KIRREL3: variants seen among roughly 807,000 people sequenced by gnomAD.
KIRREL3 encodes the protein kirre like nephrin family adhesion molecule 3, also known as kin of IRRE-like protein 3.
In KIRREL3, 36 loss-of-function variants were observed where a neutral mutation model predicts 89.7. The observed-to-expected ratio is 0.40, with a 90% CI of 0.31 to 0.53. The LOEUF (loss-of-function observed/expected upper bound fraction) is 0.53, where lower values mean the gene tolerates loss of function less well. KIRREL3 is among the 20% of genes least tolerant of loss of function. KIRREL3 has a pLI of 0.49. For synonymous variants in KIRREL3, 445 were observed against 441.4 expected (o/e 1.01, Z -0.10); for missense variants, 864 against 1,056.6 (o/e 0.82, Z 2.53).
At position 126,639,532 on chromosome 11, in the gene KIRREL3, A is replaced by T. The variant is rs1944391043; in HGVS notation, c.56-76620T>A. ...TAATCCAGGAGAGTTAAGAAGGCAG[A>T]TGCTAACCAACCACCAATTGCATCC... On this transcript the variant is annotated intron_variant, in intron 1 of 16. Transcript: ENST00000525144. The surrounding 1 kb of genome is among the most constrained non-coding windows in gnomAD (Gnocchi z 4.3). 6.6e-6 allele frequency among the ~76,000 whole-genome samples: 1 copy of T among 152,230 alleles called. No homozygotes were observed. Among genetic ancestry groups the T allele is most frequent in the Admixed American group, 6.5e-5 (1 of 15,284 alleles).
rs113226492 is a variant in KIRREL3, at chr11:126,555,695, T to C, written c.133+7140A>G. On this transcript the variant is annotated intron_variant, in intron 2 of 16. Transcript: ENST00000525144. The surrounding 1 kb of genome is among the most constrained non-coding windows in gnomAD (Gnocchi z 4.2). The stretch of plus-strand genomic sequence containing the variant: ...GGGGTAGGATGAAGTCAGAGGTAGG[T>C]AGGAACCAGATCACGTGGCACCTTG... Among the ~76,000 whole-genome samples, 630 of 150,644 alleles carry C rather than the reference T, an allele frequency of 4.2e-3. 6 individuals are homozygous for C. Among genetic ancestry groups the C allele is most frequent in the African/African-American group, 0.014 (571 of 41,124 alleles).
At position 126,705,711 on chromosome 11, in the gene KIRREL3, G is replaced by A. The variant is rs987195634; in HGVS notation, c.56-142799C>T. Among the ~76,000 whole-genome samples the A allele has an allele frequency of 4.6e-5, 7 of 152,174 alleles. No homozygotes were observed. Among genetic ancestry groups the A allele is most frequent in the Non-Finnish European group, 1.0e-4 (7 of 68,044 alleles). On this transcript the variant is annotated intron_variant, in intron 1 of 16. Transcript: ENST00000525144. This position sits in a 1 kb window ranked among gnomAD's most constrained non-coding sequence, Gnocchi z 4.3. ...TATACCTATGTGTATGTGCATAAAT[G>A]GAAAATGCACTGTGGTAAATTACAG...
Position 126,553,993 on chromosome 11 carries a change from A to G in KIRREL3, c.133+8842T>C, listed in dbSNP as rs1939490350. Among the ~76,000 whole-genome samples the G allele has an allele frequency of 1.3e-5, 2 of 152,214 alleles. No homozygotes were observed. Among genetic ancestry groups the G allele is most frequent in the African/African-American group, 2.4e-5 (1 of 41,456 alleles). On this transcript the variant is annotated intron_variant, in intron 2 of 16. Transcript: ENST00000525144. This position sits in a 1 kb window ranked among gnomAD's most constrained non-coding sequence, Gnocchi z 4.7. The stretch of plus-strand genomic sequence containing the variant: ...TGTCAACCAAACAGCTCCTGAGTCA[A>G]TCAAGAGCTGTTCATAATGCACTGT...
chr11:126,693,826 GGCTGCAGCCCCAC>G (rs1946979554), intron 1 of KIRREL3, among the ~76,000 whole-genome samples: 1 of 152,190 alleles, frequency 6.6e-6, no homozygotes, highest in South Asian at 2.1e-4. Context: ...CTCTGGCCTG[GGCTGCAGCCCCAC>G]TCCGCTGAAC....
Position 126,797,398 on chromosome 11 carries a change from G to A in KIRREL3, c.55+203057C>T, listed in dbSNP as rs1950846286. On this transcript the variant is annotated intron_variant, in intron 1 of 16. Transcript: ENST00000525144. The surrounding 1 kb of genome is among the most constrained non-coding windows in gnomAD (Gnocchi z 4.9). The stretch of plus-strand genomic sequence containing the variant: ...TGGATGCTGATAGTTTTGGTGGCGC[G>A]GCTGTTATTGGTTGGAAGAATCTGC... 6.6e-6 allele frequency among the ~76,000 whole-genome samples: 1 copy of A among 152,074 alleles called. No homozygotes were observed. The highest frequency in any genetic ancestry group is 2.1e-4 in the South Asian group (1 of 4,812).
chr11:126,871,770 C>T (rs539665596), intron 1 of KIRREL3, among the ~76,000 whole-genome samples: 52 of 152,254 alleles, frequency 3.4e-4, no homozygotes, highest in African/African-American at 1.1e-3. Flanking sequence ...GAGGAGTGAT[C>T]AGAGGAGACC....
rs1006640243 is a variant in KIRREL3 at position 126,909,467 on chromosome 11, C to T, written c.55+90988G>A. ...GAGAGCCATGCCTATTCCTTCAGCA[C>T]GTGCTAAGCGCCGACTCTCAGGGCA... On this transcript the variant is annotated intron_variant, in intron 1 of 16. Transcript: ENST00000525144. The surrounding 1 kb of genome is among the most constrained non-coding windows in gnomAD (Gnocchi z 4.5). 4.6e-5 allele frequency among the ~76,000 whole-genome samples: 7 copies of T among 152,214 alleles called. No homozygotes were observed. Among genetic ancestry groups the T allele is most frequent in the South Asian group, 2.1e-4 (1 of 4,836 alleles).
chr11:126,529,029 C>G (rs180901148), intron 2 of KIRREL3, among the ~76,000 whole-genome samples: 2 of 152,154 alleles, frequency 1.3e-5, no homozygotes, highest in Non-Finnish European at 2.9e-5. Context: ...GTCAGGTGGA[C>G]GTGGAGGGGG....
intron 4 of KIRREL3, among the ~76,000 whole-genome samples, chr11:126,488,845 C>T (rs1957434635): frequency 3.3e-5 from 5 of 152,194 alleles, no homozygotes; most frequent in Admixed American, 3.3e-4. Context: ...TCCAAAGCCC[C>T]ACAGCACCCA....
Position 126,788,113 on chromosome 11 carries a change from G to A in KIRREL3, c.55+212342C>T, listed in dbSNP as rs181205500. On this transcript the variant is annotated intron_variant, in intron 1 of 16. Transcript: ENST00000525144. The surrounding 1 kb of genome is among the most constrained non-coding windows in gnomAD (Gnocchi z 4.1). ...ATACTCTTAGCCACGACAATATTCCGCCTCCCATAGCATCTAAAATCTGCT... is the reference window on the plus strand; with the variant it reads ...ATACTCTTAGCCACGACAATATTCCACCTCCCATAGCATCTAAAATCTGCT... Among the ~76,000 whole-genome samples the A allele has an allele frequency of 1.3e-4, 20 of 152,228 alleles. No individual in the cohort carries two copies. Among genetic ancestry groups the A allele is most frequent in the Admixed American group, 1.0e-3 (16 of 15,296 alleles).
chr11:126,794,855 T>G (rs1319904464), intron 1 of KIRREL3, among the ~76,000 whole-genome samples: 2 of 152,224 alleles, frequency 1.3e-5, no homozygotes, highest in Admixed American at 6.5e-5. Context: ...TAGATGTCCC[T>G]CACTGGGTGA....
At chr11:126,517,670 G>A (rs1397421788) in intron 4 of KIRREL3, among the ~76,000 whole-genome samples, 4 of 152,170 alleles carry the variant, frequency 2.6e-5, no homozygotes, top group East Asian at 3.8e-4. Context: ...GCCAATCTTG[G>A]TTCCAGGGAG....
intron 1 of KIRREL3, among the ~76,000 whole-genome samples, chr11:126,813,549 A>G (rs1951459883): frequency 1.3e-5 from 2 of 152,180 alleles, no homozygotes; most frequent in African/African-American, 2.4e-5. Context: ...CTGCCCAAAG[A>G]ATTACTGAAG....
At chr11:126,549,193 C>T (rs1456910772) in intron 2 of KIRREL3, 2 of 152,138 alleles carry the variant, frequency 1.3e-5, no homozygotes, top group African/African-American at 4.8e-5. Context: ...TTCCATAGGC[C>T]ATTATGTGTA....
intron 1 of KIRREL3, among the ~76,000 whole-genome samples, chr11:126,861,447 T>C (rs1336995752): frequency 6.6e-6 from 1 of 152,060 alleles, no homozygotes. Context: ...ACTTCTCCCA[T>C]CCTCTACCCT....
At chr11:126,794,090 G>C (rs756197755) in intron 1 of KIRREL3, among the ~76,000 whole-genome samples, 1 of 152,156 alleles carries the variant, frequency 6.6e-6, no homozygotes, top group Non-Finnish European at 1.5e-5. Context: ...GCTTTCTTAC[G>C]TTATTTAAAA....
intron 1 of KIRREL3, chr11:126,920,611 A>T (rs1947231132): frequency 6.6e-6 from 1 of 152,208 alleles, no homozygotes; most frequent in African/African-American, 2.4e-5. Context: ...TTACTTGGCT[A>T]TTCCTCAGGA....
At chr11:126,448,279 C>CAAAAAAA (rs55787866) in intron 8 of KIRREL3, among the ~76,000 whole-genome samples, 7 of 95,368 alleles carry the variant, frequency 7.3e-5, no homozygotes, top group Admixed American at 1.2e-4. Context: ...GAGACTGTCT[C>CAAAAAAA]AAAAAAAAAA....
rs1945985813 is a variant in KIRREL3, at chr11:126,892,980, C to A, written c.55+107475G>T. Among the ~76,000 whole-genome samples the A allele has an allele frequency of 6.6e-6, 1 of 152,148 alleles. No homozygotes were observed. Among genetic ancestry groups the A allele is most frequent in the Non-Finnish European group, 1.5e-5 (1 of 68,028 alleles). On this transcript the variant is annotated intron_variant, in intron 1 of 16. Transcript: ENST00000525144. The surrounding 1 kb of genome is among the most constrained non-coding windows in gnomAD (Gnocchi z 5.4). ...CCTGTGGGATAGGATTTCACTATAT[C>A]CCTGCACAGCTGTTTTCATGCTGTG... is the stretch of plus-strand genomic sequence containing the variant.
Sources: allele counts gnomAD v4.1 joint callset (sites outside exome capture counted in the v4.1 genomes callset), GRCh38; gene constraint gnomAD v4.1.1; non-coding constraint Gnocchi (gnomAD v3.1); transcripts MANE v1.5; gene names NCBI Gene and HGNC (gene_info 2026-07-23, HGNC 2026-07-21).